PFAS: variants seen among roughly 807,000 people sequenced by gnomAD.
PFAS encodes phosphoribosylformylglycinamidine synthase.
In PFAS, 97 loss-of-function variants were observed where a neutral mutation model predicts 140.6. The ratio of observed to expected loss-of-function variants is 0.69; its 90% confidence interval spans 0.59 to 0.82. PFAS has a LOEUF of 0.82. Ranked by LOEUF, PFAS falls within the 40% of genes least tolerant of loss-of-function variation. PFAS has a pLI of 0.00. For missense variants in PFAS, 1,656 were observed against 1,780.2 expected, an observed-to-expected ratio of 0.93 and a Z score of 1.26; for synonymous variants, 679 against 718.8, an observed-to-expected ratio of 0.94 and a Z score of 0.88.
In PFAS at chr17:8,258,080, G is replaced by A. The variant is rs143613691; in HGVS notation, c.1217G>A (p.Arg406His). 8.7e-6 allele frequency: 14 copies of A among 1,614,002 alleles called. No homozygotes were observed. The highest frequency in any genetic ancestry group is 2.7e-5 in the African/African-American group (2 of 74,922). Residue 406 changes from arginine (R) to histidine (H), a missense_variant, in exon 11 of 28, where the codon CGC becomes CAC. Arg to His is a conservative substitution (Grantham distance 29, BLOSUM62 0). Transcript: ENST00000314666. The stretch of plus-strand genomic sequence containing the variant: ...GATGTTCACACTCCAGGCTTCGCCC[G>A]CTCCTTGGGCCTCCAGCTCCCAGAC... ...FGEPVLAGFA[R>H]SLGLQLPDGQ... is the part of the protein sequence containing the mutation.
At chr17:8,259,839 G>A (rs780147717) in intron 11 of PFAS, among the ~76,000 whole-genome samples, 8 of 152,020 alleles carry the variant, frequency 5.3e-5, no homozygotes, top group Non-Finnish European at 8.8e-5. Context: ...GGTGGCTCAC[G>A]CCTGTAATCC....
chr17:8,256,197 T>C (rs377030754), intron 6 of PFAS, 70 bp from the exon 7 acceptor site: 31 of 1,485,202 alleles, frequency 2.1e-5, no homozygotes, highest in African/African-American at 9.7e-5. Flanking sequence ...TAAATGCTGG[T>C]GAGAAGACAT....
Position 8,254,094 on chromosome 17 carries a change from T to C in PFAS, c.142+15T>C, listed in dbSNP as rs1264035171. 1.2e-6 allele frequency: 2 copies of C among 1,613,442 alleles called. No individual in the cohort carries two copies. The highest frequency in any genetic ancestry group is 1.7e-6 in the Non-Finnish European group (2 of 1,179,652). ...GAACTGGACAGGTTGGGCCCAGGTA[T>C]TAGATTCTTGGGGGACATGCCTCGG... On this transcript the variant is annotated intron_variant, in intron 2 of 27. Coordinates refer to ENST00000314666, the MANE Select transcript of PFAS (RefSeq NM_012393.3).
At chr17:8,248,563 C>T (rs1309296786), upstream of PFAS, among the ~76,000 whole-genome samples, 1 of 148,912 alleles carries the variant, frequency 6.7e-6, no homozygotes. Flanking sequence ...CCCTGGCCCT[C>T]TCTGATTTTT....
chr17:8,255,094 G>A lies in PFAS; in HGVS notation c.346G>A (p.Val116Met), dbSNP rs752696884. 1.9e-6 allele frequency: 3 copies of A among 1,613,754 alleles called. No individual in the cohort carries two copies. Among genetic ancestry groups the A allele is most frequent in the Admixed American group, 1.7e-5 (1 of 60,010 alleles). The change falls in exon 4 of 28, where the codon GTG (valine) becomes ATG (methionine). Residue 116 changes from valine (V) to methionine (M), a missense_variant. By Grantham distance (21) the Val-to-Met change is conservative (BLOSUM62 1). Around this residue, in one of 2 missense-constraint regions of PFAS, gnomAD observed 773 missense variants for 757.3 expected, o/e 1.02. Transcript: ENST00000314666. ...SVCRATGLGP[V>M]DRVETTRRYR... ...GTGCCGCGCCACTGGGCTGGGGCCT[G>A]TGGATCGTGTGGAGACCACCCGGCG...
In PFAS at chr17:8,267,642, C is replaced by G; in HGVS notation, c.3359C>G (p.Ala1120Gly). Residue 1120 changes from alanine (A) to glycine (G), a missense_variant, in exon 26 of 28, where the codon GCA becomes GGA. Physicochemically the swap from Ala to Gly is moderately conservative, Grantham distance 60. Transcript: ENST00000314666. The surrounding 1 kb of genome is among the most constrained non-coding windows in gnomAD (Gnocchi z 4.9). The part of the protein sequence containing the change: ...GVAFVGGFSY[A>G]DVLGSAKGWA... ...GCCTTCGTGGGCGGCTTCAGCTATGCAGATGTCCTGGGCTCTGCCAAAGGT... is the reference window on the plus strand; with the variant it reads ...GCCTTCGTGGGCGGCTTCAGCTATGGAGATGTCCTGGGCTCTGCCAAAGGT... 6.2e-7 allele frequency: 1 copy of G among 1,602,890 alleles called. No homozygotes were observed. The highest frequency in any genetic ancestry group is 8.5e-7 in the Non-Finnish European group (1 of 1,169,916).
Position 8,264,235 on chromosome 17 carries a change from G to A in PFAS, c.1815G>A (p.Glu605=). 6.2e-7 allele frequency: 1 copy of A among 1,614,114 alleles called. No homozygotes were observed. Among genetic ancestry groups the A allele is most frequent in the Non-Finnish European group, 8.5e-7 (1 of 1,179,990 alleles). ...DRRIVLVDDR[E]CPVRRNGQGD... ...AGATAGTGCTGGTGGACGATCGGGA[G>A]TGTCCTGTCAGAAGAAATGGCCAGG... The change falls in exon 16 of 28, where the codon GAG becomes GAA. Residue 605 remains glutamate, a synonymous_variant. Transcript: ENST00000314666.
chr17:8,264,812 GC>G, intron 17 of PFAS, 82 bp from the exon 18 acceptor site: 1 of 1,079,590 alleles, frequency 9.3e-7, no homozygotes. Flanking sequence ...GCCTCCCACT[GC>G]CCTGAGTGCC....
At chr17:8,258,305 G>A (rs1021739598) in intron 11 of PFAS, 106 bp downstream of exon 11, 5 of 1,239,120 alleles carry the variant, frequency 4.0e-6, no homozygotes, top group Non-Finnish European at 5.7e-6. Flanking sequence ...TTTTTAATAT[G>A]TTGGCTTATC....
chr17:8,253,521 C>T (rs967883761), intron 1 of PFAS, among the ~76,000 whole-genome samples: 1 of 152,144 alleles, frequency 6.6e-6, no homozygotes, highest in Admixed American at 6.6e-5. Flanking sequence ...AACAGATAGG[C>T]CATAGTTAAT....
rs186092614 is a variant in PFAS at position 8,267,962 on chromosome 17, A to G, written c.3382+297A>G. ...TATTATTTATATATTATTAAAATATATATTATTTATATATATTATTTATAT... is the reference window on the plus strand; with the variant it reads ...TATTATTTATATATTATTAAAATATGTATTATTTATATATATTATTTATAT... On this transcript the variant is annotated intron_variant, in intron 26 of 27. Transcript: ENST00000314666. This position sits in a 1 kb window ranked among gnomAD's most constrained non-coding sequence, Gnocchi z 4.9. Among the ~76,000 whole-genome samples, 5,235 of 143,678 alleles carry G rather than the reference A, an allele frequency of 0.036. 174 individuals are homozygous for G. Among genetic ancestry groups the G allele is most frequent in the African/African-American group, 0.08 (3,146 of 39,450 alleles). The allele number at this position is 143,678 out of a possible 152,430, so 94.3% of individuals were successfully genotyped here.
In PFAS at chr17:8,268,999, C is replaced by A. The variant is rs375393672; in HGVS notation, c.3752C>A (p.Ala1251Asp). ...CCGGAACTCCAAGCTCAGATTGAGG[C>A]CAGGGGCTTGGCTCCACTGCACTGG... ...SSPELQAQIE[A>D]RGLAPLHWAD... Residue 1251 changes from alanine to aspartate, a missense_variant, in exon 28 of 28, where the codon GCC becomes GAC. Around this residue, in one of 2 missense-constraint regions of PFAS, gnomAD observed 883 missense variants for 1,023.0 expected, o/e 0.86. Transcript: ENST00000314666. The A allele has an allele frequency of 6.2e-7, 1 of 1,614,174 alleles. No homozygotes were observed. The highest frequency in any genetic ancestry group is 8.5e-7 in the Non-Finnish European group (1 of 1,179,996).
Position 8,265,900 on chromosome 17 carries a change from C to T in PFAS, c.2584C>T (p.Arg862Trp), listed in dbSNP as rs763869295. The T allele has an allele frequency of 2.6e-5, 42 of 1,612,046 alleles. No homozygotes were observed. The highest frequency in any genetic ancestry group is 4.5e-5 in the East Asian group (2 of 44,866). ...LYVALSPGQH[R>W]LGGTALAQCF... The stretch of plus-strand genomic sequence containing the variant: ...TGTGGCTCTGAGCCCTGGGCAGCAC[C>T]GGCTCGGGGGCACAGCTCTGGCCCA... The change falls in exon 21 of 28, where the codon CGG becomes TGG. Residue 862 changes from arginine to tryptophan, a missense_variant. Arg to Trp is a moderately radical substitution (Grantham distance 101). This residue lies in a region of PFAS where 883 missense variants were observed against 1,023.0 expected (regional missense o/e 0.86). Coordinates refer to ENST00000314666, the MANE Select transcript of PFAS (RefSeq NM_012393.3).
At chr17:8,262,825 C>A in intron 11 of PFAS, 95 bp from the exon 12 acceptor site, 1 of 956,548 alleles carries the variant, frequency 1.0e-6, no homozygotes, top group Non-Finnish European at 1.7e-6. Flanking sequence ...AGGCTTCTCC[C>A]TAACATCAGC....
upstream of PFAS, chr17:8,248,229 C>CTGTCTCT (rs1988952140): frequency 3.3e-6 from 2 of 600,710 alleles, no homozygotes; most frequent in South Asian, 4.0e-5. Flanking sequence ...CCCGACACCC[C>CTGTCTCT]TGTCTCTTTT....
At chr17:8,262,875 C>A in intron 11 of PFAS, 45 bp from the exon 12 acceptor site, 1 of 1,503,612 alleles carries the variant, frequency 6.7e-7, no homozygotes, top group Non-Finnish European at 9.3e-7. Flanking sequence ...GAGGCCTCTT[C>A]TCGTGGCTTC....
Position 8,269,317 on chromosome 17 carries a change from G to A in PFAS, c.*53G>A. The A allele has an allele frequency of 7.6e-7, 1 of 1,308,512 alleles. No homozygotes were observed. Among genetic ancestry groups the A allele is most frequent in the Non-Finnish European group, 1.1e-6 (1 of 938,704 alleles). 81.1% of individuals were successfully genotyped at this position (1,308,512 alleles called of 1,614,324 possible). ...ATGGCTTTTCACCTAAGTGGGTCCT[G>A]CCCCCTCCCCCATGACCTTCAGGAG... On this transcript the variant is annotated 3_prime_UTR_variant, in exon 28 of 28. Coordinates refer to ENST00000314666, the MANE Select transcript of PFAS (RefSeq NM_012393.3).
chr17:8,258,708 C>T (rs957488635), intron 11 of PFAS, among the ~76,000 whole-genome samples: 2 of 151,940 alleles, frequency 1.3e-5, no homozygotes, highest in Admixed American at 6.6e-5. Flanking sequence ...AGGCATCTGC[C>T]GGGCATGGTG....
chr17:8,266,346 G>T lies in PFAS; in HGVS notation c.2814G>T (p.Arg938Ser), dbSNP rs755497237. Residue 938 changes from arginine (R) to serine (S), a missense_variant, in exon 22 of 28, where the codon AGG becomes AGT. By Grantham distance (110) the Arg-to-Ser change is moderately radical (BLOSUM62 -1). This residue lies in a region of PFAS where 883 missense variants were observed against 1,023.0 expected (regional missense o/e 0.86). Coordinates refer to ENST00000314666, the MANE Select transcript of PFAS (RefSeq NM_012393.3). The surrounding 1 kb of genome is among the most constrained non-coding windows in gnomAD (Gnocchi z 5.0). ...CGLQVDVPVPRVDVLSVLFAE... is the reference protein window; with the variant it reads ...CGLQVDVPVPSVDVLSVLFAE... ...TACAGGTGGATGTGCCTGTCCCCAGGGTTGATGGTAAGGAACCTGGGGTCT... is the reference window on the plus strand; with the variant it reads ...TACAGGTGGATGTGCCTGTCCCCAGTGTTGATGGTAAGGAACCTGGGGTCT... 3.1e-6 allele frequency: 5 copies of T among 1,614,020 alleles called. No homozygotes were observed. In the Admixed American group the frequency reaches 6.7e-5, roughly 22 times the overall value.
Sources: allele counts gnomAD v4.1 joint callset (sites outside exome capture counted in the v4.1 genomes callset), GRCh38; gene constraint gnomAD v4.1.1; regional missense constraint gnomAD v4.1.1; non-coding constraint Gnocchi (gnomAD v3.1); transcripts MANE v1.5; gene names NCBI Gene and HGNC (gene_info 2026-07-23, HGNC 2026-07-21).